The following TEX11 variants were observed in gnomAD, a reference collection of about 807,000 sequenced individuals.
TEX11 encodes the protein testis expressed 11.
A neutral mutation model predicts 84.4 loss-of-function variants in TEX11; 7 were observed. The ratio of observed to expected loss-of-function variants is 0.08; its 90% confidence interval spans 0.05 to 0.16. The LOEUF is 0.16. Among genes scored for constraint, TEX11 ranks in the 10% least tolerant of loss-of-function variants. TEX11 has a pLI of 1.00. For synonymous variants in TEX11, 264 were observed against 222.8 expected (o/e 1.18, Z -1.64); for missense variants, 551 against 660.5 (o/e 0.83, Z 1.82).
intron 13 of TEX11, among the ~76,000 whole-genome samples, chrX:70,695,690 T>C (rs1324191009): frequency 8.9e-6 from 1 of 111,839 alleles, no homozygotes; most frequent in African/African-American, 3.2e-5. Context: ...CTTTGCATAA[T>C]TGCTAGAGGT....
chrX:70,722,590 T>A (rs1423854894), intron 13 of TEX11, 28 bp downstream of exon 13: 1 of 1,173,347 alleles, frequency 8.5e-7, no homozygotes, highest in Non-Finnish European at 1.2e-6. Flanking sequence ...ACTGTCAGTC[T>A]TTAGAGAAAG....
the TEX11 span, among the ~76,000 whole-genome samples, chrX:70,511,752 C>CAAAAAAAAAAAAAAAA: frequency 6.1e-5 from 2 of 32,737 alleles, no homozygotes; most frequent in African/African-American, 1.6e-4. Flanking sequence ...GACTCCATCT[C>CAAAAAAAAAAAAAAAA]AAAAAAAAAA....
At chrX:70,547,911 A>G (rs1439763969) in intron 28 of TEX11, among the ~76,000 whole-genome samples, 1 of 111,971 alleles carries the variant, frequency 8.9e-6, no homozygotes, top group Non-Finnish European at 1.9e-5. Context: ...CAGCAATCCC[A>G]TTACTGGGTA....
intron 14 of TEX11, among the ~76,000 whole-genome samples, chrX:70,681,253 C>T (rs1439725125): frequency 8.9e-6 from 1 of 112,436 alleles, no homozygotes; most frequent in Non-Finnish European, 1.9e-5. Flanking sequence ...AAAATACTCA[C>T]ATGAGAGTAA....
In TEX11 at chrX:70,833,510, C is replaced by G; in HGVS notation, c.606+3G>C. 8.3e-7 allele frequency: 1 copy of G among 1,200,484 alleles called. No individual in the cohort carries two copies. The highest frequency in any genetic ancestry group is 1.8e-5 in the South Asian group (1 of 55,632). ...ACTCTTGGAGAATGCAGACTTCACT[C>G]ACCATCTGGGGGAGCCTCATCAACA... is the stretch of plus-strand genomic sequence containing the variant. On this transcript the variant is annotated splice_donor_region_variant and intron_variant, in intron 8 of 29. Transcript: ENST00000374333.
intron 13 of TEX11, among the ~76,000 whole-genome samples, chrX:70,685,786 G>T (rs759464859): frequency 8.9e-6 from 1 of 111,861 alleles, no homozygotes; most frequent in Non-Finnish European, 1.9e-5. Context: ...GTGTGAGATG[G>T]TATCTAATTG....
At chrX:70,580,809 T>C (rs1216097488) in intron 25 of TEX11, among the ~76,000 whole-genome samples, 2 of 112,153 alleles carry the variant, frequency 1.8e-5, no homozygotes, top group Admixed American at 9.5e-5. Flanking sequence ...ATTGAATCCC[T>C]GTTCTGACAA....
intron 13 of TEX11, among the ~76,000 whole-genome samples, chrX:70,688,924 A>G (rs1215201986): frequency 9.2e-6 from 1 of 109,077 alleles, no homozygotes; most frequent in Non-Finnish European, 1.9e-5. Flanking sequence ...GGAGGACTAG[A>G]TACTGACCTA....
At chrX:70,777,247 T>C (rs2091007991) in intron 9 of TEX11, among the ~76,000 whole-genome samples, 1 of 111,199 alleles carries the variant, frequency 9.0e-6, no homozygotes, top group Non-Finnish European at 1.9e-5. Flanking sequence ...AACTTGTTCA[T>C]TAATACAAAA....
chrX:70,745,419 C>A (rs1300479371), intron 9 of TEX11, among the ~76,000 whole-genome samples: 9 of 109,511 alleles, frequency 8.2e-5, no homozygotes, highest in African/African-American at 3.0e-4. Context: ...GAAGACAATA[C>A]TTTGAAATAT....
At chrX:70,690,691 C>A (rs938906458) in intron 13 of TEX11, among the ~76,000 whole-genome samples, 1 of 110,421 alleles carries the variant, frequency 9.1e-6, no homozygotes, top group Non-Finnish European at 1.9e-5. Flanking sequence ...AGAGTGAGGC[C>A]CTGTCTCTAA....
chrX:70,567,677 A>T (rs1195280723), intron 25 of TEX11, among the ~76,000 whole-genome samples: 1 of 111,620 alleles, frequency 9.0e-6, no homozygotes, highest in Non-Finnish European at 1.9e-5. Flanking sequence ...GTAGTCATTC[A>T]GGAGCAGGTT....
intron 9 of TEX11, among the ~76,000 whole-genome samples, chrX:70,783,964 T>G (rs1414542134): frequency 4.5e-5 from 5 of 111,654 alleles, no homozygotes; most frequent in Non-Finnish European, 7.5e-5. Flanking sequence ...GAAACCTCCC[T>G]ATCTCATTTT....
chrX:70,871,046 G>T (rs932095798), intron 4 of TEX11, among the ~76,000 whole-genome samples: 11 of 111,914 alleles, frequency 9.8e-5, no homozygotes, highest in African/African-American at 3.2e-4. Flanking sequence ...CCAAGTAGCT[G>T]GGATTACAAG....
intron 9 of TEX11, among the ~76,000 whole-genome samples, chrX:70,788,408 T>C (rs1474020236): frequency 9.0e-6 from 1 of 110,754 alleles, no homozygotes; most frequent in East Asian, 2.8e-4. Context: ...GAATATGCAA[T>C]GAAAAAAGGA....
intron 18 of TEX11, among the ~76,000 whole-genome samples, chrX:70,626,539 G>A (rs934870113): frequency 7.2e-5 from 8 of 110,979 alleles, no homozygotes; most frequent in South Asian, 3.9e-4. Flanking sequence ...TCCCCTTGAT[G>A]TTCTACCGCA....
At chrX:70,537,488 GAA>G (rs1413321132) in intron 28 of TEX11, among the ~76,000 whole-genome samples, 1 of 105,456 alleles carries the variant, frequency 9.5e-6, no homozygotes, top group Non-Finnish European at 1.9e-5. Flanking sequence ...ATAATCAAAA[GAA>G]GAGAGAAAGA....
chrX:70,796,893 A>C (rs763257447), intron 9 of TEX11, among the ~76,000 whole-genome samples: 6 of 112,321 alleles, frequency 5.3e-5, no homozygotes, highest in Non-Finnish European at 9.4e-5. Flanking sequence ...AGAGAAATGC[A>C]AATCAAAACC....
At chrX:70,810,176 C>T (rs1445221309) in intron 8 of TEX11, among the ~76,000 whole-genome samples, 3 of 111,807 alleles carry the variant, frequency 2.7e-5, no homozygotes, top group South Asian at 3.8e-4. Context: ...GAAATAGGAA[C>T]GCTTTTCCAC....
Sources: gnomAD v4.1 joint callset for allele counts (sites outside exome capture counted in the v4.1 genomes callset) on GRCh38, gnomAD v4.1.1 for gene constraint, MANE v1.5 for transcripts, NCBI Gene and HGNC (gene_info 2026-07-23, HGNC 2026-07-21) for gene names.